Variants in ABCA13 observed in about 807,000 individuals in gnomAD.
The protein encoded by ABCA13 is ATP binding cassette subfamily A member 13.
A neutral mutation model predicts 478.7 loss-of-function variants in ABCA13; 476 were observed. That is an observed-to-expected ratio of 0.99 (90% CI 0.92 to 1.07). ABCA13 has a LOEUF of 1.07. ABCA13 is among the 50% of genes least tolerant of loss of function. The pLI is 0.00. For synonymous variants in ABCA13, 2,252 were observed against 2,158.9 expected (o/e 1.04, Z -1.20); for missense variants, 6,060 against 5,910.6 (o/e 1.03, Z -0.83).
intron 61 of ABCA13, 93 bp from the exon 62 acceptor site, chr7:48,645,323 TG>T: frequency 1.1e-6 from 1 of 892,798 alleles, no homozygotes; most frequent in East Asian, 2.7e-5. Context: ...TAGGGCAAGT[TG>T]GCCAGTGTTC....
At chr7:48,407,410 A>G (rs867669791) in intron 39 of ABCA13, among the ~76,000 whole-genome samples, 1 of 151,610 alleles carries the variant, frequency 6.6e-6, no homozygotes, top group African/African-American at 2.4e-5. Flanking sequence ...CAGGAGGTGG[A>G]GGTTGCAGTG....
chr7:48,432,397 T>C (rs1585297789), intron 42 of ABCA13, among the ~76,000 whole-genome samples: 1 of 152,146 alleles, frequency 6.6e-6, no homozygotes, highest in Admixed American at 6.6e-5. Flanking sequence ...ATAGCCATTA[T>C]AGAAAATAGT....
In ABCA13 at chr7:48,403,860, T is replaced by A. The variant is rs766010984; in HGVS notation, c.12051T>A (p.Ile4017=). ...DPCSRHSLWD[I]LLKYREGRTI... ...GCTCCCGGCATAGCCTGTGGGACAT[T>A]CTGCTCAAGTACCGAGAAGGTAGGC... The change falls in exon 39 of 62, where the codon ATT becomes ATA. Residue 4017 remains isoleucine, a synonymous_variant. Transcript: ENST00000435803. 1.9e-6 allele frequency: 3 copies of A among 1,613,486 alleles called. No homozygotes were observed. The highest frequency in any genetic ancestry group is 2.2e-5 in the South Asian group (2 of 90,946).
In ABCA13 at chr7:48,410,595, A is replaced by G. The variant is rs983194467; in HGVS notation, c.12146A>G (p.His4049Arg). ...ALSDRVAVLQ[H>R]GRLRCCGPPF... ...AGTGACCGCGTGGCCGTCCTCCAGCATGGGAGGCTCAGGTGCTGCGGTCCT... is the reference window on the plus strand; with the variant it reads ...AGTGACCGCGTGGCCGTCCTCCAGCGTGGGAGGCTCAGGTGCTGCGGTCCT... The change falls in exon 40 of 62, where the codon CAT becomes CGT. Residue 4049 changes from histidine to arginine, a missense_variant. Coordinates refer to ENST00000435803, the MANE Select transcript of ABCA13 (RefSeq NM_152701.5). 34 of 1,614,040 alleles carry G rather than the reference A, an allele frequency of 2.1e-5. No individual in the cohort carries two copies. Among genetic ancestry groups the G allele is most frequent in the Non-Finnish European group, 2.6e-5 (31 of 1,179,880 alleles).
chr7:48,276,518 A>ATC lies in ABCA13; in HGVS notation c.6856_6857dup (p.Leu2287PhefsTer3), dbSNP rs1445580601. 1.2e-6 allele frequency: 2 copies of ATC among 1,611,306 alleles called. No individual in the cohort carries two copies. The highest frequency in any genetic ancestry group is 1.7e-6 in the Non-Finnish European group (2 of 1,179,384). On this transcript the variant is annotated frameshift_variant, in exon 17 of 62. Transcript: ENST00000435803. LOFTEE classifies it high-confidence loss of function. ...TAAAGGAAGATTCTGAGAACAAAAT[A>ATC]TCTCTTCTGCTGAAATATTTCCACA...
intron 55 of ABCA13, among the ~76,000 whole-genome samples, chr7:48,545,647 T>C (rs1784753384): frequency 1.3e-5 from 2 of 151,078 alleles, no homozygotes; most frequent in East Asian, 3.9e-4. Context: ...GATAAATTAA[T>C]GGCTATCACA....
At chr7:48,511,764 C>G (rs1831705606) in intron 51 of ABCA13, among the ~76,000 whole-genome samples, 1 of 152,028 alleles carries the variant, frequency 6.6e-6, no homozygotes, top group African/African-American at 2.4e-5. Flanking sequence ...ATATATATGT[C>G]TTCTTATTTG....
At chr7:48,282,019 C>T (rs1797121234) in intron 19 of ABCA13, among the ~76,000 whole-genome samples, 1 of 152,196 alleles carries the variant, frequency 6.6e-6, no homozygotes, top group African/African-American at 2.4e-5. Context: ...TTGGTGTCTT[C>T]TTTTCCTGCT....
intron 27 of ABCA13, among the ~76,000 whole-genome samples, chr7:48,320,522 A>G (rs1171282619): frequency 1.3e-5 from 2 of 152,238 alleles, no homozygotes; most frequent in African/African-American, 4.8e-5. Context: ...TCATTAGTCA[A>G]GAGATTCCAA....
At chr7:48,211,585 G>C (rs1785660148) in intron 3 of ABCA13, among the ~76,000 whole-genome samples, 1 of 152,058 alleles carries the variant, frequency 6.6e-6, no homozygotes, top group African/African-American at 2.4e-5. Context: ...TTCCTGATGA[G>C]TACAGTACTG....
intron 3 of ABCA13, among the ~76,000 whole-genome samples, chr7:48,201,377 C>A (rs1172597909): frequency 6.6e-6 from 1 of 152,146 alleles, no homozygotes; most frequent in African/African-American, 2.4e-5. Flanking sequence ...GTTACGCTCT[C>A]GGGCATAAAG....
intron 19 of ABCA13, among the ~76,000 whole-genome samples, chr7:48,282,113 A>G (rs916198266): frequency 4.6e-5 from 7 of 152,194 alleles, no homozygotes; most frequent in Admixed American, 2.6e-4. Context: ...GTCCAGCAAT[A>G]GTGACTATAT....
intron 19 of ABCA13, among the ~76,000 whole-genome samples, chr7:48,283,297 G>T (rs892189619): frequency 2.6e-5 from 4 of 152,024 alleles, no homozygotes; most frequent in African/African-American, 7.3e-5. Context: ...AATGAGCCTT[G>T]GGCAGAACCA....
At chr7:48,323,585 C>T (rs772860010) in intron 27 of ABCA13, among the ~76,000 whole-genome samples, 40 of 152,262 alleles carry the variant, frequency 2.6e-4, no homozygotes, top group Middle Eastern at 3.4e-3. Flanking sequence ...TCATGTATGC[C>T]TCACAACCAC....
intron 5 of ABCA13, among the ~76,000 whole-genome samples, chr7:48,226,756 A>G (rs936392891): frequency 2.0e-5 from 3 of 152,180 alleles, no homozygotes; most frequent in African/African-American, 7.2e-5. Flanking sequence ...ATAATAAGAA[A>G]GCCTCGGGTA....
At chr7:48,459,854 T>C (rs1453727542) in intron 43 of ABCA13, among the ~76,000 whole-genome samples, 1 of 152,104 alleles carries the variant, frequency 6.6e-6, no homozygotes. Flanking sequence ...ACATTAAAAA[T>C]ATAAAATATT....
intron 3 of ABCA13, among the ~76,000 whole-genome samples, chr7:48,213,619 T>C (rs1786013522): frequency 6.6e-6 from 1 of 152,218 alleles, no homozygotes; most frequent in African/African-American, 2.4e-5. Context: ...ATTGACTGTT[T>C]CTTTCATGAA....
intron 3 of ABCA13, among the ~76,000 whole-genome samples, chr7:48,203,308 C>G (rs1422304591): frequency 6.6e-6 from 1 of 152,238 alleles, no homozygotes; most frequent in Admixed American, 6.5e-5. Context: ...CTCCACACCT[C>G]CCCGCAAGCT....
At chr7:48,395,446 T>C (rs543559194) in intron 38 of ABCA13, among the ~76,000 whole-genome samples, 1 of 152,330 alleles carries the variant, frequency 6.6e-6, no homozygotes, top group African/African-American at 2.4e-5. Context: ...CAACATACAG[T>C]TGACTCTTGA....
Sources: gnomAD v4.1 joint callset for allele counts (sites outside exome capture counted in the v4.1 genomes callset) on GRCh38, gnomAD v4.1.1 for gene constraint, MANE v1.5 for transcripts, NCBI Gene and HGNC (gene_info 2026-07-23, HGNC 2026-07-21) for gene names.